Variants in FNIP1 observed in about 807,000 individuals in gnomAD.
The protein encoded by FNIP1 is folliculin-interacting protein 1.
FNIP1 carries 40 observed loss-of-function variants against 124.5 expected under a neutral mutation model. The ratio of observed to expected loss-of-function variants is 0.32; its 90% CI spans 0.25 to 0.42. FNIP1 has a LOEUF of 0.42. Ranked by LOEUF, FNIP1 falls within the 10% of genes least tolerant of loss-of-function variation. FNIP1 has a pLI of 1.00. For synonymous variants in FNIP1, 472 were observed against 470.6 expected (o/e 1.00, Z -0.04); for missense variants, 1,176 against 1,403.7 (o/e 0.84, Z 2.59).
intron 1 of FNIP1, among the ~76,000 whole-genome samples, chr5:131,752,537 C>CT (rs1157109405): frequency 9.5e-5 from 6 of 63,048 alleles, no homozygotes; most frequent in East Asian, 3.0e-4. Context: ...ACCTGAACAT[C>CT]TAAAAAAAAA....
Position 131,647,124 on chromosome 5 carries a change from G to A in FNIP1, c.3388C>T (p.Arg1130Cys). Residue 1130 changes from arginine (R) to cysteine (C), a missense_variant, in exon 17 of 18, where the codon CGT becomes TGT. By Grantham distance (180) the Arg-to-Cys change is radical. Coordinates refer to ENST00000510461, the MANE Select transcript of FNIP1 (RefSeq NM_133372.3). The part of the protein sequence containing the change: ...MLSEYLRGQM[R>C]VHVKELGVVL... ...ACTCCCAGCTCCTTGACATGAACAC[G>A]CATCTGCCCCCTCAGGTATTCAGAC... 1.2e-6 allele frequency: 2 copies of A among 1,614,066 alleles called. No individual in the cohort carries two copies. The highest frequency in any genetic ancestry group is 1.1e-5 in the South Asian group (1 of 91,080).
At chr5:131,778,588 C>T (rs543799629) in intron 1 of FNIP1, among the ~76,000 whole-genome samples, 24 of 130,622 alleles carry the variant, frequency 1.8e-4, no homozygotes, top group South Asian at 8.7e-4. Context: ...GTCAGTGTGG[C>T]GATTCCTCAG....
At chr5:131,655,950 A>C (rs1352891235) in intron 15 of FNIP1, among the ~76,000 whole-genome samples, 2 of 151,782 alleles carry the variant, frequency 1.3e-5, no homozygotes, top group Admixed American at 1.3e-4. Flanking sequence ...AACAAAAAAA[A>C]AACTAATCTC....
At chr5:131,778,246 A>T (rs986818627) in intron 1 of FNIP1, among the ~76,000 whole-genome samples, 18 of 151,840 alleles carry the variant, frequency 1.2e-4, no homozygotes, top group Non-Finnish European at 2.1e-4. Context: ...TTGTCTTGGG[A>T]AACAAACAAA....
intron 1 of FNIP1, chr5:131,796,605 G>A (rs1772610634): frequency 7.1e-6 from 4 of 561,052 alleles, no homozygotes; most frequent in Non-Finnish European, 9.4e-6. Flanking sequence ...ACCGACGGGA[G>A]GAGGGGGAAG....
At chr5:131,783,070 T>C (rs1772049539) in intron 1 of FNIP1, among the ~76,000 whole-genome samples, 1 of 152,268 alleles carries the variant, frequency 6.6e-6, no homozygotes, top group Non-Finnish European at 1.5e-5. Flanking sequence ...AACTTTTATA[T>C]GCACTAGGAA....
intron 15 of FNIP1, among the ~76,000 whole-genome samples, chr5:131,657,751 A>C (rs911498849): frequency 4.0e-5 from 6 of 151,130 alleles, no homozygotes; most frequent in Middle Eastern, 3.4e-3. Flanking sequence ...AAAAAAAAAA[A>C]AAAAAAACGG....
chr5:131,740,557 T>C (rs1051725331), intron 2 of FNIP1, among the ~76,000 whole-genome samples: 25 of 152,194 alleles, frequency 1.6e-4, no homozygotes, highest in African/African-American at 5.3e-4. Flanking sequence ...ATAAAAACAA[T>C]GTCTAGGATA....
At chr5:131,748,741 T>C (rs1372145016) in intron 1 of FNIP1, among the ~76,000 whole-genome samples, 2 of 151,668 alleles carry the variant, frequency 1.3e-5, no homozygotes, top group African/African-American at 4.8e-5. Flanking sequence ...GTTACTGGTT[T>C]ATGAATTTAC....
At chr5:131,760,014 A>G (rs1331504026) in intron 1 of FNIP1, among the ~76,000 whole-genome samples, 1 of 152,224 alleles carries the variant, frequency 6.6e-6, no homozygotes, top group African/African-American at 2.4e-5. Context: ...ACATGTTTTC[A>G]TTTATAAGTG....
intron 11 of FNIP1, among the ~76,000 whole-genome samples, chr5:131,684,209 G>C (rs1768190687): frequency 6.6e-6 from 1 of 152,196 alleles, no homozygotes; most frequent in Non-Finnish European, 1.5e-5. Context: ...ATTAAAACAA[G>C]AAGGCAAAGC....
At position 131,642,425 on chromosome 5, in the gene FNIP1, A is replaced by T. The variant is rs1766742996; in HGVS notation, c.*2260T>A. On this transcript the variant is annotated 3_prime_UTR_variant, in exon 18 of 18. Coordinates refer to ENST00000510461, the MANE Select transcript of FNIP1 (RefSeq NM_133372.3). ...GGTCATTTCCTTCCCAGCAAAGCTT[A>T]GCTTTAGGAACAACAATAGCATGAG... is the stretch of plus-strand genomic sequence containing the variant. The T allele has an allele frequency of 2.0e-5, 3 of 152,354 alleles. No homozygotes were observed. The South Asian group carries it at 6.2e-4, about 32-fold the overall frequency. The allele number at this position is 152,354 out of a possible 1,614,324, so 9.4% of individuals were successfully genotyped here. A position where few individuals can be genotyped will look rare whatever the true frequency, so the allele number is the denominator to read the frequency against.
chr5:131,730,901 T>G lies in FNIP1; in HGVS notation c.354+3A>C, dbSNP rs778995500. 6.3e-7 allele frequency: 1 copy of G among 1,595,542 alleles called. No individual in the cohort carries two copies. The highest frequency in any genetic ancestry group is 1.4e-5 in the African/African-American group (1 of 73,894). ...AATAAATAAATGACATCAATGATCT[T>G]ACCTGGTACTTAAGACACTGGTCTT... is the stretch of plus-strand genomic sequence containing the variant. On this transcript the variant is annotated splice_donor_region_variant and intron_variant, in intron 3 of 17. Coordinates refer to ENST00000510461, the MANE Select transcript of FNIP1 (RefSeq NM_133372.3).
At chr5:131,757,770 A>T (rs1771096231) in intron 1 of FNIP1, among the ~76,000 whole-genome samples, 1 of 152,198 alleles carries the variant, frequency 6.6e-6, no homozygotes, top group African/African-American at 2.4e-5. Context: ...ATGAAAGCTC[A>T]CTTCATAGAG....
rs969089233 is a variant in FNIP1, at chr5:131,704,135, T to C, written c.1046A>G (p.Asn349Ser). 2 of 1,612,996 alleles carry C rather than the reference T, an allele frequency of 1.2e-6. No individual in the cohort carries two copies. The highest frequency in any genetic ancestry group is 2.7e-5 in the African/African-American group (2 of 75,014). ...SKDEDENNKF[N>S]EFFFSHFPLF... is the part of the protein sequence containing the mutation. ...AGGAAAATGTGAAAAAAAGAATTCA[T>C]TAAATTTGTTATTTTCATCTTCATC... The change falls in exon 10 of 18, where the codon AAT becomes AGT. Residue 349 changes from asparagine (N) to serine (S), a missense_variant. Physicochemically the swap from Asn to Ser is conservative, Grantham distance 46. This residue lies in a region of FNIP1 where 1,109 missense variants were observed against 1,288.5 expected (regional missense o/e 0.86). Coordinates refer to ENST00000510461, the MANE Select transcript of FNIP1 (RefSeq NM_133372.3).
At chr5:131,790,440 C>A (rs954097489) in intron 1 of FNIP1, among the ~76,000 whole-genome samples, 2 of 148,372 alleles carry the variant, frequency 1.3e-5, no homozygotes, top group African/African-American at 5.0e-5. Flanking sequence ...GATCGCACCA[C>A]CGCTCTCCCG....
intron 1 of FNIP1, among the ~76,000 whole-genome samples, chr5:131,758,373 T>C (rs1426137283): frequency 6.6e-6 from 1 of 152,194 alleles, no homozygotes; most frequent in Non-Finnish European, 1.5e-5. Context: ...GTGTTTAGAA[T>C]GATCTCTCAT....
chr5:131,657,183 T>C (rs368764940), intron 15 of FNIP1, among the ~76,000 whole-genome samples: 18 of 152,270 alleles, frequency 1.2e-4, no homozygotes, highest in African/African-American at 4.3e-4. Flanking sequence ...TGTGTATTTT[T>C]AGTAGAGACG....
chr5:131,767,480 T>C (rs572106953), intron 1 of FNIP1, among the ~76,000 whole-genome samples: 1 of 142,434 alleles, frequency 7.0e-6, no homozygotes, highest in East Asian at 2.0e-4. Context: ...CTTAAGCAGG[T>C]AGGACCATCA....
Sources: gnomAD v4.1 joint callset for allele counts (sites outside exome capture counted in the v4.1 genomes callset) on GRCh38, gnomAD v4.1.1 for gene constraint, gnomAD v4.1.1 regional missense constraint, MANE v1.5 for transcripts, NCBI Gene and HGNC (gene_info 2026-07-23, HGNC 2026-07-21) for gene names.